The following ANO2 variants were observed in gnomAD, a reference collection of about 807,000 sequenced individuals.
The protein encoded by ANO2 is anoctamin 2, also known as anoctamin-2.
A neutral mutation model predicts 124.2 loss-of-function variants in ANO2; 101 were observed. The ratio of observed to expected loss-of-function variants is 0.81; its 90% CI spans 0.69 to 0.96. The LOEUF is 0.96. ANO2 is among the 40% of genes least tolerant of loss of function. The pLI is 0.00. For synonymous variants in ANO2, 486 were observed against 482.5 expected (o/e 1.01, Z -0.09); for missense variants, 1,293 against 1,274.5 (o/e 1.01, Z -0.22).
At chr12:5,629,596 T>C (rs1290698193) in intron 16 of ANO2, among the ~76,000 whole-genome samples, 2 of 152,180 alleles carry the variant, frequency 1.3e-5, no homozygotes, top group Non-Finnish European at 2.9e-5. Flanking sequence ...AGATTTTGCC[T>C]GCTTCCTCCC....
At chr12:5,632,551 C>A (rs1014311106) in intron 16 of ANO2, among the ~76,000 whole-genome samples, 1 of 152,074 alleles carries the variant, frequency 6.6e-6, no homozygotes, top group Non-Finnish European at 1.5e-5. Flanking sequence ...GGACATTGAT[C>A]TAACAGCCCA....
At chr12:5,583,254 G>A (rs897117217) in intron 20 of ANO2, among the ~76,000 whole-genome samples, 17 of 152,146 alleles carry the variant, frequency 1.1e-4, no homozygotes, top group Non-Finnish European at 1.8e-4. Flanking sequence ...CCTCTACATC[G>A]CAATTCTCAT....
In ANO2 at chr12:5,585,919, G is replaced by A. The variant is rs958022958; in HGVS notation, c.2234-7401C>T. ...TTAGGTTTATAGGATTTTAGAAAAC[G>A]GAAATAAGGAGCACAGAAAAGAGGA... On this transcript the variant is annotated intron_variant, in intron 20 of 24. Coordinates refer to ENST00000682330, the MANE Select transcript of ANO2 (RefSeq NM_001364791.2). 2.0e-5 allele frequency among the ~76,000 whole-genome samples: 3 copies of A among 152,152 alleles called. No individual in the cohort carries two copies. The East Asian group carries it at 5.8e-4, about 29-fold the overall frequency.
chr12:5,909,771 G>A lies in ANO2; in HGVS notation c.534+11269C>T, dbSNP rs115907132. Reference sequence around the variant, plus strand: ...CGTGCCCAGAGAGCAGGCGGTGGGCGTTCCTATTTGATCTCCCTTCATACA... The same window carrying A: ...CGTGCCCAGAGAGCAGGCGGTGGGCATTCCTATTTGATCTCCCTTCATACA... On this transcript the variant is annotated intron_variant, in intron 3 of 24. Coordinates refer to ENST00000682330, the MANE Select transcript of ANO2 (RefSeq NM_001364791.2). Among the ~76,000 whole-genome samples the A allele has an allele frequency of 7.6e-3, 1,157 of 152,292 alleles. 14 individuals carry two copies. The highest frequency in any genetic ancestry group is 0.026 in the African/African-American group (1,089 of 41,564).
At chr12:5,621,966 T>C (rs1309128517) in intron 16 of ANO2, among the ~76,000 whole-genome samples, 1 of 152,192 alleles carries the variant, frequency 6.6e-6, no homozygotes, top group African/African-American at 2.4e-5. Context: ...TGAGCCTCTG[T>C]CCAGGGTGCC....
At chr12:5,799,956 C>T (rs1417240930) in intron 9 of ANO2, among the ~76,000 whole-genome samples, 1 of 152,242 alleles carries the variant, frequency 6.6e-6, no homozygotes, top group African/African-American at 2.4e-5. Flanking sequence ...CCACAGTCTG[C>T]TTACACCCTG....
chr12:5,944,183 G>A (rs1321779872), intron 1 of ANO2, among the ~76,000 whole-genome samples: 1 of 152,200 alleles, frequency 6.6e-6, no homozygotes, highest in Non-Finnish European at 1.5e-5. Flanking sequence ...AGACTGGGCA[G>A]GGGCTCTGAT....
intron 10 of ANO2, among the ~76,000 whole-genome samples, chr12:5,786,487 T>C (rs1005465008): frequency 5.9e-5 from 9 of 152,158 alleles, no homozygotes; most frequent in African/African-American, 2.2e-4. Flanking sequence ...CTTAGCTCTA[T>C]TGGAGGATTT....
intron 14 of ANO2, among the ~76,000 whole-genome samples, chr12:5,667,047 G>A (rs1452953596): frequency 6.6e-6 from 1 of 152,178 alleles, no homozygotes; most frequent in South Asian, 2.1e-4. Flanking sequence ...GTCACATGCC[G>A]ATGCTGAGAA....
chr12:5,725,802 C>T (rs1327342647), intron 14 of ANO2, among the ~76,000 whole-genome samples: 1 of 151,974 alleles, frequency 6.6e-6, no homozygotes, highest in African/African-American at 2.4e-5. Context: ...CCTCAACATC[C>T]CTTCTTCTAA....
chr12:5,862,733 C>G lies in ANO2; in HGVS notation c.535-8592G>C, dbSNP rs375327722. The stretch of plus-strand genomic sequence containing the variant: ...GGGGCGGTTTCCCCCATACTGTTCT[C>G]GTGGTAGTGAATAAGCTCACAAGAT... On this transcript the variant is annotated intron_variant, in intron 3 of 24. Transcript: ENST00000682330. The surrounding 1 kb of genome is among the most constrained non-coding windows in gnomAD (Gnocchi z 4.0). Among the ~76,000 whole-genome samples, 1 of 152,174 alleles carries G rather than the reference C, an allele frequency of 6.6e-6. No individual in the cohort carries two copies. The highest frequency in any genetic ancestry group is 2.1e-4 in the South Asian group (1 of 4,828).
rs184575332 is a variant in ANO2, at chr12:5,900,418, T to A, written c.534+20622A>T. Reference sequence around the variant, plus strand: ...CACCCATCTAGAGGGCAGAGGACAATTTAAAAATGCATTTGTGAATTTGAG... The same window carrying A: ...CACCCATCTAGAGGGCAGAGGACAAATTAAAAATGCATTTGTGAATTTGAG... On this transcript the variant is annotated intron_variant, in intron 3 of 24. Transcript: ENST00000682330. The surrounding 1 kb of genome is among the most constrained non-coding windows in gnomAD (Gnocchi z 4.2). 6.6e-6 allele frequency among the ~76,000 whole-genome samples: 1 copy of A among 152,264 alleles called. No homozygotes were observed. The highest frequency in any genetic ancestry group is 6.5e-5 in the Admixed American group (1 of 15,298).
At chr12:5,944,214 G>C (rs534748209) in intron 1 of ANO2, among the ~76,000 whole-genome samples, 3 of 152,200 alleles carry the variant, frequency 2.0e-5, no homozygotes, top group Non-Finnish European at 2.9e-5. Context: ...AAGGACAAAG[G>C]CTCGGCAGGT....
intron 3 of ANO2, among the ~76,000 whole-genome samples, chr12:5,912,300 C>G (rs1028919491): frequency 2.6e-5 from 4 of 152,092 alleles, no homozygotes. Flanking sequence ...GAATAAAGAA[C>G]AAGAGGAGCA....
chr12:5,615,419 A>G, intron 16 of ANO2, 122 bp from the exon 17 acceptor site: 1 of 700,612 alleles, frequency 1.4e-6, no homozygotes. Context: ...CACGAGACCC[A>G]TCTCTCTGGC....
chr12:5,854,239 G>A (rs180672935), intron 3 of ANO2, 98 bp from the exon 4 acceptor site: 3 of 1,080,082 alleles, frequency 2.8e-6, no homozygotes, highest in African/African-American at 3.2e-5. Context: ...CCAACCCGTT[G>A]TTCTTCAGTT....
chr12:5,621,991 TAAC>T (rs887997819), intron 16 of ANO2, among the ~76,000 whole-genome samples: 49 of 152,262 alleles, frequency 3.2e-4, no homozygotes, highest in African/African-American at 1.1e-3. Context: ...GCATCCAATT[TAAC>T]AACAACACAA....
chr12:5,932,419 A>T (rs77715442), intron 1 of ANO2, among the ~76,000 whole-genome samples: 1 of 60,652 alleles, frequency 1.6e-5, no homozygotes, highest in East Asian at 6.5e-4. Context: ...AGGAAGGAAG[A>T]CTGGTAAGAA....
intron 14 of ANO2, among the ~76,000 whole-genome samples, chr12:5,669,781 C>T (rs978813528): frequency 2.0e-5 from 3 of 152,200 alleles, no homozygotes; most frequent in African/African-American, 7.2e-5. Context: ...GTTGCCATTA[C>T]GCTCATCACT....
Sources: gnomAD v4.1 joint callset for allele counts (sites outside exome capture counted in the v4.1 genomes callset) on GRCh38, gnomAD v4.1.1 for gene constraint, Gnocchi (gnomAD v3.1) non-coding constraint, MANE v1.5 for transcripts, NCBI Gene and HGNC (gene_info 2026-07-23, HGNC 2026-07-21) for gene names.